CTBS: variants seen among roughly 807,000 people sequenced by gnomAD.
CTBS encodes the protein di-N-acetylchitobiase.
Under a neutral mutation model 44.3 loss-of-function variants are expected in CTBS, and 35 were observed. That is an observed-to-expected ratio of 0.79 (90% CI 0.60 to 1.05). The LOEUF is 1.05. CTBS is among the 50% of genes least tolerant of loss of function. The pLI is 0.00. For missense variants in CTBS, 458 were observed against 475.3 expected (o/e 0.96, Z 0.34); for synonymous variants, 143 against 168.0 (o/e 0.85, Z 1.15).
rs1429265572 is a variant in CTBS, at chr1:84,551,864, C to T, written c.*3135G>A. 1.3e-5 allele frequency: 2 copies of T among 151,934 alleles called. No homozygotes were observed. The highest frequency in any genetic ancestry group is 2.1e-4 in the South Asian group (1 of 4,818). 9.4% of individuals were successfully genotyped at this position (151,934 alleles called of 1,614,324 possible). Reference sequence around the variant, plus strand: ...AGGTAGGAAGGAGTAATAAAAATGCCCCCAGAGGCTTGGATTATGACTCCC... The same window carrying T: ...AGGTAGGAAGGAGTAATAAAAATGCTCCCAGAGGCTTGGATTATGACTCCC... On this transcript the variant is annotated 3_prime_UTR_variant, in exon 7 of 7. Coordinates refer to ENST00000370630, the MANE Select transcript of CTBS (RefSeq NM_004388.3).
intron 1 of CTBS, among the ~76,000 whole-genome samples, chr1:84,570,967 G>T (rs1012035035): frequency 3.9e-5 from 6 of 152,158 alleles, no homozygotes; most frequent in African/African-American, 1.4e-4. Context: ...ACAACATGGT[G>T]GTTGCGTAAC....
At chr1:84,564,915 T>C (rs1684663590) in intron 4 of CTBS, among the ~76,000 whole-genome samples, 1 of 151,976 alleles carries the variant, frequency 6.6e-6, no homozygotes, top group South Asian at 2.1e-4. Flanking sequence ...GGTGCATGCC[T>C]GTATACCCAG....
At position 84,569,935 on chromosome 1, in the gene CTBS, G is replaced by C; in HGVS notation, c.521C>G (p.Ser174Ter). Residue 174 changes from serine to a stop codon, truncating the protein, a stop_gained, in exon 3 of 7, where the codon TCA (serine) becomes TGA (stop). Transcript: ENST00000370630. LOFTEE classifies it high-confidence loss of function. ...AAAAAATAAATGAGTTTTTACCTGT[G>C]ATCCCTCAATTTCACGATGGAAAGA... ...TDSFHREIEG[S>*]QVTFDVAWSP... 1 of 1,609,922 alleles carries C rather than the reference G, an allele frequency of 6.2e-7. No homozygotes were observed. The highest frequency in any genetic ancestry group is 2.1e-4 in the Middle Eastern group (1 of 4,746).
chr1:84,553,080 C>G lies in CTBS; in HGVS notation c.*1919G>C. 1 of 1,525,932 alleles carries G rather than the reference C, an allele frequency of 6.6e-7. No homozygotes were observed. Among genetic ancestry groups the G allele is most frequent in the South Asian group, 1.3e-5 (1 of 78,462 alleles). The allele number at this position is 1,525,932 out of a possible 1,614,324, so 94.5% of individuals were successfully genotyped here. On this transcript the variant is annotated 3_prime_UTR_variant, in exon 7 of 7. Coordinates refer to ENST00000370630, the MANE Select transcript of CTBS (RefSeq NM_004388.3). ...AGATTTACGAACATTGAAAACTGAA[C>G]TGGCACAGAAAAAAAAAATAATACA... is the stretch of plus-strand genomic sequence containing the variant.
Position 84,574,265 on chromosome 1 carries a change from GGCGGCAGAGCT to G in CTBS, c.140_150del (p.Glu47AlafsTer14). The G allele has an allele frequency of 6.2e-7, 1 of 1,601,750 alleles. No individual in the cohort carries two copies. The highest frequency in any genetic ancestry group is 1.1e-5 in the South Asian group (1 of 89,304). On this transcript the variant is annotated frameshift_variant, in exon 1 of 7. Coordinates refer to ENST00000370630, the MANE Select transcript of CTBS (RefSeq NM_004388.3). LOFTEE classifies it high-confidence loss of function. ...TCGAAATCTGGATGGTGGCGAATCG[GGCGGCAGAGCT>G]CAGGCTCCGGGCATGGGCAGTCGGT...
Position 84,570,685 on chromosome 1 carries a change from T to C in CTBS, c.213A>G (p.Lys71=). The change falls in exon 2 of 7, where the codon AAA becomes AAG. Residue 71 remains lysine, a synonymous_variant. Transcript: ENST00000370630. ...TTGTAATCTGTGACCAATCATAAGA[T>C]TTCCAAGTTTTCTGTCCAACATCAA... is the stretch of plus-strand genomic sequence containing the variant. ...FVFDVGQKTW[K]SYDWSQITTV... The C allele has an allele frequency of 6.2e-7, 1 of 1,613,860 alleles. No individual in the cohort carries two copies. The highest frequency in any genetic ancestry group is 8.5e-7 in the Non-Finnish European group (1 of 1,179,894).
At position 84,552,956 on chromosome 1, in the gene CTBS, C is replaced by T. The variant is rs957494814; in HGVS notation, c.*2043G>A. On this transcript the variant is annotated 3_prime_UTR_variant, in exon 7 of 7. Transcript: ENST00000370630. ...AAGACAGTTAAAGCGGTTACAAAAA[C>T]CCTGTTTACATGACAACTATGATGT... 4 of 942,728 alleles carry T rather than the reference C, an allele frequency of 4.2e-6. No homozygotes were observed. In the African/African-American group the frequency reaches 6.9e-5, roughly 16 times the overall value. 58.4% of individuals were successfully genotyped at this position (942,728 alleles called of 1,614,324 possible).
Position 84,565,915 on chromosome 1 carries a change from G to A in CTBS, c.623C>T (p.Ser208Phe). The A allele has an allele frequency of 6.2e-7, 1 of 1,601,484 alleles. No homozygotes were observed. Among genetic ancestry groups the A allele is most frequent in the East Asian group, 2.3e-5 (1 of 43,894 alleles). ...ADACDFLFVM[S>F]YDEQSQIWSE... ...CCAGATCTGACTTTGTTCATCATAA[G>A]ACATCACAAAGAGGAAGTCACAAGC... is the stretch of plus-strand genomic sequence containing the variant. The change falls in exon 4 of 7, where the codon TCT (serine) becomes TTT (phenylalanine). Residue 208 changes from serine (S) to phenylalanine (F), a missense_variant. Transcript: ENST00000370630.
intron 1 of CTBS, 135 bp downstream of exon 1, chr1:84,574,104 T>A: frequency 6.8e-7 from 1 of 1,477,454 alleles, no homozygotes; most frequent in Non-Finnish European, 9.0e-7. Flanking sequence ...GAAGGATCCG[T>A]AAACAGGAAG....
At chr1:84,555,331 G>C (rs923971180) in intron 6 of CTBS, 132 bp from the exon 7 acceptor site, 4 of 611,000 alleles carry the variant, frequency 6.5e-6, no homozygotes, top group Non-Finnish European at 7.9e-6. Context: ...TATTCAAAAA[G>C]GATACAATGA....
rs1248070205 is a variant in CTBS at position 84,565,749 on chromosome 1, C to CAT, written c.697+90_697+91dup. 15 of 669,662 alleles carry CAT rather than the reference C, an allele frequency of 2.2e-5. No individual in the cohort carries two copies. In the African/African-American group the frequency reaches 2.9e-4, roughly 13 times the overall value. The allele number at this position is 669,662 out of a possible 1,614,324, so 41.5% of individuals were successfully genotyped here. A position where few individuals can be genotyped will look rare whatever the true frequency, so the allele number is the denominator to read the frequency against. On this transcript the variant is annotated intron_variant, in intron 4 of 6. Transcript: ENST00000370630. Reference sequence around the variant, plus strand: ...AAGCCTTACAATTGAAAAACGTATACATATAACTTAGAAATACTAAAAACA... The same window carrying CAT: ...AAGCCTTACAATTGAAAAACGTATACATATATAACTTAGAAATACTAAAAACA...
At chr1:84,566,053 G>T in intron 3 of CTBS, 41 bp from the exon 4 acceptor site, 1 of 1,282,992 alleles carries the variant, frequency 7.8e-7, no homozygotes, top group Non-Finnish European at 1.0e-6. Context: ...ATATGATCAC[G>T]TGTGCATATT....
chr1:84,553,126 T>C lies in CTBS; in HGVS notation c.*1873A>G. On this transcript the variant is annotated 3_prime_UTR_variant, in exon 7 of 7. Transcript: ENST00000370630. ...ATACATCTCTACAATCTCAATTAGG[T>C]ATGTTAATTTAAAACTTTTATTTGT... is the stretch of plus-strand genomic sequence containing the variant. The C allele has an allele frequency of 7.0e-7, 1 of 1,436,130 alleles. No individual in the cohort carries two copies. Among genetic ancestry groups the C allele is most frequent in the Non-Finnish European group, 9.3e-7 (1 of 1,072,200 alleles). 89.0% of individuals were successfully genotyped at this position (1,436,130 alleles called of 1,614,324 possible).
intron 6 of CTBS, among the ~76,000 whole-genome samples, chr1:84,557,557 A>C (rs1356243939): frequency 1.3e-5 from 2 of 149,436 alleles, no homozygotes; most frequent in Non-Finnish European, 3.0e-5. Flanking sequence ...AAAAAAAGAA[A>C]AAAAAAAAAA....
chr1:84,567,488 A>G (rs1471514997), intron 3 of CTBS, among the ~76,000 whole-genome samples: 1 of 152,224 alleles, frequency 6.6e-6, no homozygotes, highest in Admixed American at 6.5e-5. Context: ...CTTGGGTGCT[A>G]GTGTCAGCTA....
intron 6 of CTBS, among the ~76,000 whole-genome samples, chr1:84,562,483 A>G (rs1178292407): frequency 6.6e-6 from 1 of 152,248 alleles, no homozygotes; most frequent in East Asian, 1.9e-4. Flanking sequence ...GTACCAGACC[A>G]TTAATTAAGC....
At position 84,553,192 on chromosome 1, in the gene CTBS, AT is replaced by A. The variant is rs1282135206; in HGVS notation, c.*1806del. ...TGTATTTGAACAGATTTGTTTAACC[AT>A]TATTCTCCTTGGCAATGTTTTATAA... On this transcript the variant is annotated 3_prime_UTR_variant, in exon 7 of 7. Transcript: ENST00000370630. The A allele has an allele frequency of 1.2e-6, 1 of 868,502 alleles. No individual in the cohort carries two copies. The highest frequency in any genetic ancestry group is 1.8e-5 in the African/African-American group (1 of 56,778). The allele number at this position is 868,502 out of a possible 1,614,324, so 53.8% of individuals were successfully genotyped here.
chr1:84,564,782 A>G (rs1378307214), intron 4 of CTBS, among the ~76,000 whole-genome samples: 1 of 152,184 alleles, frequency 6.6e-6, no homozygotes, highest in Admixed American at 6.5e-5. Context: ...ACAATGGCTC[A>G]TGCCTGTAAT....
chr1:84,561,260 G>T (rs1227022873), intron 6 of CTBS, among the ~76,000 whole-genome samples: 1 of 152,208 alleles, frequency 6.6e-6, no homozygotes, highest in African/African-American at 2.4e-5. Flanking sequence ...ACATTGAGGG[G>T]TTCAAGACTT....
Sources: gnomAD v4.1 joint callset for allele counts (sites outside exome capture counted in the v4.1 genomes callset) on GRCh38, gnomAD v4.1.1 for gene constraint, MANE v1.5 for transcripts, NCBI Gene and HGNC (gene_info 2026-07-23, HGNC 2026-07-21) for gene names.